The following MOB3B variants were observed in gnomAD, a reference collection of about 807,000 sequenced individuals.
The protein encoded by MOB3B is MOB kinase activator-like 2B.
In MOB3B, 7 loss-of-function variants were observed where a neutral mutation model predicts 18.7. The observed-to-expected ratio is 0.37, with a 90% CI of 0.21 to 0.70. The LOEUF (loss-of-function observed/expected upper bound fraction) is 0.70. MOB3B is among the 30% of genes least tolerant of loss of function. MOB3B has a pLI of 0.52. For synonymous variants in MOB3B, 111 were observed against 99.9 expected (o/e 1.11, Z -0.66); for missense variants, 253 against 281.3 (o/e 0.90, Z 0.72).
chr9:27,427,345 G>T (rs1362021387), intron 2 of MOB3B, among the ~76,000 whole-genome samples: 1 of 152,246 alleles, frequency 6.6e-6, no homozygotes, highest in Non-Finnish European at 1.5e-5. Flanking sequence ...AGAAATGCAA[G>T]CAGGCATGAA....
chr9:27,526,357 T>C (rs1820436585), intron 1 of MOB3B: 1 of 152,218 alleles, frequency 6.6e-6, no homozygotes, highest in Non-Finnish European at 1.5e-5. Context: ...TAAAAATAAC[T>C]ATCAGCAGAG....
chr9:27,372,848 T>C (rs1821442194), intron 2 of MOB3B, among the ~76,000 whole-genome samples: 3 of 152,222 alleles, frequency 2.0e-5, no homozygotes, highest in South Asian at 4.1e-4. Context: ...AACTGAATAC[T>C]GTGTAGAGTT....
At chr9:27,407,826 C>T (rs1822005543) in intron 2 of MOB3B, among the ~76,000 whole-genome samples, 1 of 152,164 alleles carries the variant, frequency 6.6e-6, no homozygotes, top group Non-Finnish European at 1.5e-5. Context: ...GGTCTATTTG[C>T]TCCTAATATT....
intron 2 of MOB3B, among the ~76,000 whole-genome samples, chr9:27,394,467 C>T (rs939614493): frequency 6.6e-6 from 1 of 152,112 alleles, no homozygotes; most frequent in African/African-American, 2.4e-5. Context: ...CCTAGAGTTC[C>T]AAAACACAGA....
At chr9:27,401,456 G>C (rs781655902) in intron 2 of MOB3B, among the ~76,000 whole-genome samples, 1 of 152,182 alleles carries the variant, frequency 6.6e-6, no homozygotes, top group Non-Finnish European at 1.5e-5. Flanking sequence ...TGGGACCTGT[G>C]TCAACGACAG....
intron 2 of MOB3B, among the ~76,000 whole-genome samples, chr9:27,402,681 G>A (rs564647001): frequency 5.0e-4 from 76 of 152,326 alleles, no homozygotes; most frequent in African/African-American, 1.7e-3. Flanking sequence ...AACACCAAAT[G>A]GGGACTGCCT....
At chr9:27,489,168 C>T (rs1791912770) in intron 1 of MOB3B, among the ~76,000 whole-genome samples, 1 of 152,236 alleles carries the variant, frequency 6.6e-6, no homozygotes, top group African/African-American at 2.4e-5. Context: ...AGCCTTTTGT[C>T]AACCGTATTT....
chr9:27,397,711 G>A (rs1226439311), intron 2 of MOB3B: 1 of 152,138 alleles, frequency 6.6e-6, no homozygotes, highest in South Asian at 2.1e-4. Flanking sequence ...AATCTTCTAT[G>A]TACAAATAAA....
intron 1 of MOB3B, chr9:27,526,421 A>G (rs1394832225): frequency 6.6e-6 from 1 of 152,238 alleles, no homozygotes; most frequent in Non-Finnish European, 1.5e-5. Flanking sequence ...AGGACATGCA[A>G]GCTACTGAGC....
intron 2 of MOB3B, among the ~76,000 whole-genome samples, chr9:27,426,350 C>T (rs1424659616): frequency 1.3e-5 from 2 of 152,156 alleles, no homozygotes; most frequent in East Asian, 3.9e-4. Context: ...TTCATTTTTG[C>T]TTGGCATGAG....
intron 2 of MOB3B, among the ~76,000 whole-genome samples, chr9:27,452,290 C>G (rs1297562744): frequency 2.0e-5 from 3 of 152,162 alleles, no homozygotes; most frequent in African/African-American, 7.2e-5. Flanking sequence ...ATGAATTAGA[C>G]ATATTGCATA....
At chr9:27,353,911 T>G (rs1821146608) in intron 3 of MOB3B, among the ~76,000 whole-genome samples, 1 of 152,210 alleles carries the variant, frequency 6.6e-6, no homozygotes, top group Non-Finnish European at 1.5e-5. Context: ...CCTGGCCCAT[T>G]TTCTAATTAT....
chr9:27,414,877 T>C (rs930959808), intron 2 of MOB3B, among the ~76,000 whole-genome samples: 6 of 147,546 alleles, frequency 4.1e-5, no homozygotes, highest in Middle Eastern at 3.2e-3. Flanking sequence ...TATTTTTTAA[T>C]TTTTTTTTTT....
chr9:27,352,249 CAT>C (rs1821116121), intron 3 of MOB3B, among the ~76,000 whole-genome samples: 1 of 151,332 alleles, frequency 6.6e-6, no homozygotes, highest in Admixed American at 6.6e-5. Context: ...GGTGTGGTGA[CAT>C]GTGTTTGTAG....
chr9:27,462,800 T>C (rs772632734), intron 1 of MOB3B, among the ~76,000 whole-genome samples: 1 of 152,226 alleles, frequency 6.6e-6, no homozygotes, highest in Non-Finnish European at 1.5e-5. Context: ...CCTAGCACCA[T>C]GAGAACTTAT....
chr9:27,512,478 T>G (rs1285031011), intron 1 of MOB3B, among the ~76,000 whole-genome samples: 3 of 152,198 alleles, frequency 2.0e-5, no homozygotes, highest in Non-Finnish European at 4.4e-5. Context: ...TGCCAAAAGT[T>G]TAATAAAAAT....
chr9:27,486,331 A>G (rs1388765811), intron 1 of MOB3B, among the ~76,000 whole-genome samples: 1 of 152,234 alleles, frequency 6.6e-6, no homozygotes, highest in Non-Finnish European at 1.5e-5. Flanking sequence ...CTAAAGTTTC[A>G]TTTGATGAAA....
Position 27,326,840 on chromosome 9 carries a change from C to A in MOB3B, c.*3747G>T. Reference sequence around the variant, plus strand: ...GCACCATCACCATGAAATTTTAATACCACATAAATACTTTGTATCTGTTTA... The same window carrying A: ...GCACCATCACCATGAAATTTTAATAACACATAAATACTTTGTATCTGTTTA... On this transcript the variant is annotated 3_prime_UTR_variant, in exon 4 of 4. Coordinates refer to ENST00000262244, the MANE Select transcript of MOB3B (RefSeq NM_024761.5). 1 of 347,450 alleles carries A rather than the reference C, an allele frequency of 2.9e-6. No individual in the cohort carries two copies. Among genetic ancestry groups the A allele is most frequent in the Non-Finnish European group, 5.1e-6 (1 of 194,636 alleles). The allele number at this position is 347,450 out of a possible 1,614,324, so 21.5% of individuals were successfully genotyped here. A position where few individuals can be genotyped will look rare whatever the true frequency, so the allele number is the denominator to read the frequency against.
At chr9:27,392,177 T>A (rs1821736083) in intron 2 of MOB3B, among the ~76,000 whole-genome samples, 1 of 152,202 alleles carries the variant, frequency 6.6e-6, no homozygotes, top group East Asian at 1.9e-4. Context: ...AATATTTTAA[T>A]ACATTTTCTA....
Sources: gnomAD v4.1 joint callset for allele counts (sites outside exome capture counted in the v4.1 genomes callset) on GRCh38, gnomAD v4.1.1 for gene constraint, MANE v1.5 for transcripts, NCBI Gene and HGNC (gene_info 2026-07-23, HGNC 2026-07-21) for gene names.